FCHO2: variants seen among roughly 807,000 people sequenced by gnomAD.
FCHO2 encodes F-BAR domain only protein 2.
A neutral mutation model predicts 114.1 loss-of-function variants in FCHO2; 43 were observed. That is an observed-to-expected ratio of 0.38 (90% CI 0.30 to 0.49). The LOEUF (loss-of-function observed/expected upper bound fraction) is 0.49. Ranked by LOEUF, FCHO2 falls within the 20% of genes least tolerant of loss-of-function variation. The pLI, the probability that FCHO2 is intolerant of heterozygous loss-of-function variation, is 0.97. For missense variants in FCHO2, 807 were observed against 950.4 expected (o/e 0.85, Z 1.98); for synonymous variants, 293 against 315.2 (o/e 0.93, Z 0.75).
intron 6 of FCHO2, 68 bp downstream of exon 6, chr5:73,006,617 CTCAT>C: frequency 3.7e-6 from 4 of 1,083,952 alleles, no homozygotes; most frequent in African/African-American, 3.3e-5. Context: ...TAATTTTTCT[CTCAT>C]ATAATTTTTT....
chr5:73,010,778 A>G (rs1182682193), intron 6 of FCHO2, among the ~76,000 whole-genome samples: 2 of 151,182 alleles, frequency 1.3e-5, no homozygotes, highest in Admixed American at 6.6e-5. Context: ...TTGGGAGGCT[A>G]AGGCACCAGA....
intron 6 of FCHO2, among the ~76,000 whole-genome samples, chr5:73,010,875 CAA>C (rs57820498): frequency 3.1e-4 from 8 of 25,756 alleles, no homozygotes; most frequent in Admixed American, 4.9e-4. Flanking sequence ...GACTCTGTCT[CAA>C]AAAAAAAAAA....
At chr5:72,962,042 A>T (rs1002370738) in intron 1 of FCHO2, among the ~76,000 whole-genome samples, 1 of 152,224 alleles carries the variant, frequency 6.6e-6, no homozygotes, top group Non-Finnish European at 1.5e-5. Context: ...AAGACTACAG[A>T]TTCATTTAAC....
rs908261416 is a variant in FCHO2 at position 72,991,589 on chromosome 5, T to C, written c.495+725T>C. On this transcript the variant is annotated intron_variant, in intron 5 of 25. Transcript: ENST00000430046. The stretch of plus-strand genomic sequence containing the variant: ...TGAGCACATTTATGTAGCATTGTGG[T>C]AAACCACAACCTTTTCTTCCATTTA... 9.8e-5 allele frequency among the ~76,000 whole-genome samples: 15 copies of C among 152,370 alleles called. No individual in the cohort carries two copies. The East Asian group carries it at 2.9e-3, about 29-fold the overall frequency.
At chr5:72,998,988 G>A (rs1754282396) in intron 5 of FCHO2, among the ~76,000 whole-genome samples, 1 of 151,796 alleles carries the variant, frequency 6.6e-6, no homozygotes, top group Non-Finnish European at 1.5e-5. Context: ...GAATCATCAG[G>A]CCCGGCTCAT....
intron 18 of FCHO2, among the ~76,000 whole-genome samples, chr5:73,067,977 C>T (rs1453424833): frequency 4.0e-5 from 6 of 151,776 alleles, no homozygotes; most frequent in African/African-American, 7.3e-5. Flanking sequence ...AGAATTGAGT[C>T]GCTCAAACCT....
chr5:73,044,324 G>A (rs141576415), intron 11 of FCHO2, among the ~76,000 whole-genome samples: 18 of 152,130 alleles, frequency 1.2e-4, no homozygotes, highest in African/African-American at 4.1e-4. Flanking sequence ...CTTCAGCCTC[G>A]ACCTCCCAGG....
Position 73,059,177 on chromosome 5 carries a change from A to G in FCHO2, c.1345+653A>G, listed in dbSNP as rs573094140. ...TGTTCAAAACAAGAAAATAAAATCA[A>G]TTTTAGTTGATCTTCTACCCTCTTC... On this transcript the variant is annotated intron_variant, in intron 17 of 25. Coordinates refer to ENST00000430046, the MANE Select transcript of FCHO2 (RefSeq NM_138782.3). 5.9e-5 allele frequency among the ~76,000 whole-genome samples: 9 copies of G among 152,302 alleles called. No individual in the cohort carries two copies. In the South Asian group the frequency reaches 1.7e-3, roughly 28 times the overall value.
At chr5:72,996,243 C>CA (rs371371047) in intron 5 of FCHO2, among the ~76,000 whole-genome samples, 46,493 of 110,884 alleles carry the variant, frequency 0.42, 10,520 homozygotes, top group Non-Finnish European at 0.52. Context: ...AACTCTGTCT[C>CA]AAAAAAAAAA....
rs1382739470 is a variant in FCHO2 at position 72,978,805 on chromosome 5, G to GT, written c.125+10222dup. 8.5e-5 allele frequency among the ~76,000 whole-genome samples: 13 copies of GT among 152,152 alleles called. No homozygotes were observed. In the East Asian group the frequency reaches 2.3e-3, roughly 27 times the overall value. On this transcript the variant is annotated intron_variant, in intron 2 of 25. Coordinates refer to ENST00000430046, the MANE Select transcript of FCHO2 (RefSeq NM_138782.3). ...TCCACCAATACCTAGTTTATTGAGCGTTTTTTGCGTGAAGTGGTGCTGAAT... is the reference window on the plus strand; with the variant it reads ...TCCACCAATACCTAGTTTATTGAGCGTTTTTTTGCGTGAAGTGGTGCTGAAT...
chr5:72,984,153 T>G (rs1460011172), intron 2 of FCHO2, among the ~76,000 whole-genome samples: 1 of 152,212 alleles, frequency 6.6e-6, no homozygotes, highest in Non-Finnish European at 1.5e-5. Context: ...ATTTTTCTTT[T>G]TCTCTCCTCA....
At chr5:73,086,074 A>T (rs1484256992) in intron 24 of FCHO2, among the ~76,000 whole-genome samples, 1 of 151,724 alleles carries the variant, frequency 6.6e-6, no homozygotes, top group Admixed American at 6.6e-5. Flanking sequence ...GTGAGCCAAG[A>T]TCGTGCCACT....
At chr5:72,983,464 A>G (rs913946716) in intron 2 of FCHO2, among the ~76,000 whole-genome samples, 4 of 151,472 alleles carry the variant, frequency 2.6e-5, no homozygotes, top group Middle Eastern at 6.3e-3. Context: ...CTTGGGCTCA[A>G]TCAATTCTTC....
At position 72,976,455 on chromosome 5, in the gene FCHO2, C is replaced by T. The variant is rs144311286; in HGVS notation, c.125+7866C>T. ...AACTCCTGGTCTCAAGCAGTCCTCC[C>T]GCCACAGTCTCCCAAAGCTCTGCGA... On this transcript the variant is annotated intron_variant, in intron 2 of 25. Transcript: ENST00000430046. Among the ~76,000 whole-genome samples, 105 of 152,128 alleles carry T rather than the reference C, an allele frequency of 6.9e-4. 1 individual carries two copies. The highest frequency in any genetic ancestry group is 2.4e-3 in the African/African-American group (100 of 41,504).
At chr5:73,058,372 G>A in intron 16 of FCHO2, 61 bp from the exon 17 acceptor site, 1 of 1,193,852 alleles carries the variant, frequency 8.4e-7, no homozygotes. Flanking sequence ...TAAGTGACTA[G>A]AAATTTTATA....
chr5:73,086,389 G>A (rs1198579921), intron 24 of FCHO2, among the ~76,000 whole-genome samples: 1 of 152,160 alleles, frequency 6.6e-6, no homozygotes, highest in Non-Finnish European at 1.5e-5. Flanking sequence ...GATCAATGTT[G>A]TGACATCCTA....
intron 7 of FCHO2, 25 bp from the exon 8 acceptor site, chr5:73,017,187 A>G (rs1396616997): frequency 1.5e-6 from 2 of 1,335,518 alleles, no homozygotes; most frequent in South Asian, 3.0e-5. Context: ...AAAAAGAAAA[A>G]GTTATCTTTA....
intron 5 of FCHO2, among the ~76,000 whole-genome samples, chr5:73,001,464 A>G (rs1754432998): frequency 6.6e-6 from 1 of 151,396 alleles, no homozygotes; most frequent in African/African-American, 2.4e-5. Context: ...AAAAAAAAAA[A>G]AAAAAAAGAA....
chr5:73,003,282 G>A (rs952696642), intron 5 of FCHO2, among the ~76,000 whole-genome samples: 1 of 151,910 alleles, frequency 6.6e-6, no homozygotes, highest in Non-Finnish European at 1.5e-5. Flanking sequence ...CTAAGAGCTG[G>A]GGTTACAGGC....
Sources: gnomAD v4.1 joint callset for allele counts (sites outside exome capture counted in the v4.1 genomes callset) on GRCh38, gnomAD v4.1.1 for gene constraint, MANE v1.5 for transcripts, NCBI Gene and HGNC (gene_info 2026-07-23, HGNC 2026-07-21) for gene names.